Variants in GPR19 observed in about 807,000 individuals in gnomAD.
GPR19 encodes the protein G protein-coupled receptor 19, also known as probable G protein-coupled receptor 19.
GPR19 carries 14 observed loss-of-function variants against 28.5 expected under a neutral mutation model. The ratio of observed to expected loss-of-function variants is 0.49; its 90% CI spans 0.32 to 0.77. The LOEUF (loss-of-function observed/expected upper bound fraction) is 0.77, where lower values mean the gene tolerates loss of function less well. Among genes scored for constraint, GPR19 ranks in the 30% least tolerant of loss-of-function variants. The pLI is 0.03. For synonymous variants in GPR19, 173 were observed against 184.1 expected, an observed-to-expected ratio of 0.94 and a Z score of 0.49; for missense variants, 409 against 504.1, an observed-to-expected ratio of 0.81 and a Z score of 1.81.
chr12:12,663,251 A>ACCT (rs1945707349), intron 3 of GPR19, among the ~76,000 whole-genome samples: 1 of 152,196 alleles, frequency 6.6e-6, no homozygotes, highest in African/African-American at 2.4e-5. Flanking sequence ...AAGAAATGTA[A>ACCT]CCAGGTTACG....
chr12:12,690,775 C>G (rs1049734137), intron 2 of GPR19, among the ~76,000 whole-genome samples: 5 of 152,170 alleles, frequency 3.3e-5, no homozygotes, highest in African/African-American at 7.2e-5. Flanking sequence ...TTTGACCCAG[C>G]CTAACTCAGA....
At chr12:12,667,269 C>A (rs1232108890) in intron 3 of GPR19, among the ~76,000 whole-genome samples, 1 of 152,076 alleles carries the variant, frequency 6.6e-6, no homozygotes, top group Non-Finnish European at 1.5e-5. Flanking sequence ...TATTGAAGGT[C>A]CTTATTTATC....
chr12:12,707,750 G>T, the GPR19 span, among the ~76,000 whole-genome samples: 16 of 151,980 alleles, frequency 1.1e-4, no homozygotes, highest in Middle Eastern at 3.4e-3. Context: ...ACAGGGTCTC[G>T]CTCTGTCGCC....
At chr12:12,709,757 A>G in the GPR19 span, among the ~76,000 whole-genome samples, 3 of 152,214 alleles carry the variant, frequency 2.0e-5, no homozygotes, top group African/African-American at 7.2e-5. Flanking sequence ...TGTTCTTAAA[A>G]GGGTACTTTC....
chr12:12,671,502 C>T (rs1418848545), intron 3 of GPR19, among the ~76,000 whole-genome samples: 4 of 152,122 alleles, frequency 2.6e-5, no homozygotes, highest in Non-Finnish European at 4.4e-5. Context: ...TAATCCAGCT[C>T]TGTACCTTTC....
chr12:12,673,460 A>G (rs1285937432), intron 3 of GPR19, among the ~76,000 whole-genome samples: 1 of 152,222 alleles, frequency 6.6e-6, no homozygotes, highest in African/African-American at 2.4e-5. Context: ...ACTCACCTCC[A>G]GACTTACTAA....
upstream of GPR19, chr12:12,696,292 G>A (rs1221349322): frequency 6.7e-6 from 1 of 149,264 alleles, no homozygotes; most frequent in Admixed American, 6.7e-5. Context: ...GTTTGGTGAT[G>A]GCCGGCTAGT....
chr12:12,704,688 T>C, the GPR19 span, among the ~76,000 whole-genome samples: 1 of 152,038 alleles, frequency 6.6e-6, no homozygotes. Context: ...ATAAATACAG[T>C]TGTGGTTTGG....
chr12:12,678,927 A>G (rs1404747608), intron 3 of GPR19, among the ~76,000 whole-genome samples: 1 of 152,060 alleles, frequency 6.6e-6, no homozygotes, highest in African/African-American at 2.4e-5. Context: ...TTCATGTGTA[A>G]CTGGAATTAC....
chr12:12,712,966 A>T, the GPR19 span, among the ~76,000 whole-genome samples: 15 of 152,298 alleles, frequency 9.8e-5, no homozygotes, highest in South Asian at 2.5e-3. Context: ...TCACTGCTTA[A>T]AACCTCCTAA....
At chr12:12,702,370 A>G in the GPR19 span, among the ~76,000 whole-genome samples, 1 of 152,138 alleles carries the variant, frequency 6.6e-6, no homozygotes, top group South Asian at 2.1e-4. Flanking sequence ...TTGGTATTTG[A>G]CTCACATCTC....
rs114469581 is a variant in GPR19 at position 12,670,806 on chromosome 12, G to A, written c.-22-8336C>T. Reference sequence around the variant, plus strand: ...CAAGGGTAAATGGCTTTTGTGAAGGGGCCTGGGTACCTAATCATCATTTAC... The same window carrying A: ...CAAGGGTAAATGGCTTTTGTGAAGGAGCCTGGGTACCTAATCATCATTTAC... On this transcript the variant is annotated intron_variant, in intron 3 of 3. Transcript: ENST00000651487. Among the ~76,000 whole-genome samples, 196 of 152,158 alleles carry A rather than the reference G, an allele frequency of 1.3e-3. 1 individual carries two copies. The highest frequency in any genetic ancestry group is 4.3e-3 in the African/African-American group (179 of 41,516).
intron 3 of GPR19, among the ~76,000 whole-genome samples, chr12:12,674,376 G>T (rs888455291): frequency 1.3e-5 from 2 of 152,014 alleles, no homozygotes; most frequent in Admixed American, 1.3e-4. Flanking sequence ...GGAGGTTGAG[G>T]CTGCAGTAAG....
chr12:12,714,899 G>A, the GPR19 span, among the ~76,000 whole-genome samples: 75 of 152,322 alleles, frequency 4.9e-4, no homozygotes, highest in East Asian at 0.014. Flanking sequence ...GTCGATGTAA[G>A]CACAGCCTTT....
intron 3 of GPR19, 106 bp from the exon 4 acceptor site, chr12:12,662,576 ATTTGTC>A: frequency 1.1e-6 from 1 of 900,444 alleles, no homozygotes; most frequent in Non-Finnish European, 1.7e-6. Flanking sequence ...ATTGATTGTC[ATTTGTC>A]TTTGTGTAGG....
chr12:12,716,908 G>C, the GPR19 span: 1 of 984,620 alleles, frequency 1.0e-6, no homozygotes, highest in Non-Finnish European at 1.2e-6. Context: ...GGGGCCGCTG[G>C]GGAGGGCCGA....
upstream of GPR19, among the ~76,000 whole-genome samples, chr12:12,697,046 AGG>A (rs1348311227): frequency 3.3e-5 from 5 of 152,072 alleles, no homozygotes; most frequent in Admixed American, 2.6e-4. Context: ...TTTAGAATGT[AGG>A]CCTAGTTATG....
chr12:12,689,533 T>A (rs1472190004), intron 2 of GPR19, among the ~76,000 whole-genome samples: 1 of 152,080 alleles, frequency 6.6e-6, no homozygotes, highest in East Asian at 1.9e-4. Context: ...AGGATACTAA[T>A]ACTATCTAAA....
At chr12:12,679,744 A>G (rs151227854) in intron 3 of GPR19, among the ~76,000 whole-genome samples, 167 of 152,266 alleles carry the variant, frequency 1.1e-3, no homozygotes, top group Non-Finnish European at 2.1e-3. Context: ...CCAAATGCCA[A>G]TAGTGCTAAG....
Sources: gnomAD v4.1 joint callset for allele counts (sites outside exome capture counted in the v4.1 genomes callset) on GRCh38, gnomAD v4.1.1 for gene constraint, MANE v1.5 for transcripts, NCBI Gene and HGNC (gene_info 2026-07-23, HGNC 2026-07-21) for gene names.